SEC24A: variants seen among roughly 807,000 people sequenced by gnomAD.
SEC24A encodes protein transport protein Sec24A.
In SEC24A, 93 loss-of-function variants were observed where a neutral mutation model predicts 129.4. That is an observed-to-expected ratio of 0.72 (90% confidence interval 0.61 to 0.85). The LOEUF is 0.85. Ranked by LOEUF, SEC24A falls within the 40% of genes least tolerant of loss-of-function variation. The probability of loss-of-function intolerance (pLI) is 0.00; values close to 1 mark genes in which losing one functional copy is unlikely to be tolerated. For synonymous variants in SEC24A, 460 were observed against 467.3 expected (o/e 0.98, Z 0.20); for missense variants, 1,264 against 1,307.4 (o/e 0.97, Z 0.51).
At chr5:134,724,550 T>G (rs1351834757) in intron 22 of SEC24A, among the ~76,000 whole-genome samples, 3 of 150,816 alleles carry the variant, frequency 2.0e-5, no homozygotes, top group African/African-American at 7.3e-5. Flanking sequence ...ATCGTGCCAT[T>G]GCACTCCAGC....
At chr5:134,705,913 G>A (rs1752147208) in intron 17 of SEC24A, among the ~76,000 whole-genome samples, 1 of 145,398 alleles carries the variant, frequency 6.9e-6, no homozygotes. Context: ...TTGAGATGGA[G>A]TCTCGCTCTT....
intron 18 of SEC24A, 23 bp downstream of exon 18, chr5:134,708,911 C>G (rs1752242498): frequency 6.2e-7 from 1 of 1,605,914 alleles, no homozygotes. Context: ...GATATAGAAA[C>G]TAACACAATG....
At chr5:134,668,746 A>G (rs900373227) in intron 3 of SEC24A, among the ~76,000 whole-genome samples, 11 of 150,756 alleles carry the variant, frequency 7.3e-5, no homozygotes, top group African/African-American at 2.7e-4. Context: ...AAAAAAACCA[A>G]TTAGCCAGGA....
At chr5:134,697,055 A>G in intron 13 of SEC24A, 71 bp from the exon 14 acceptor site, 1 of 845,936 alleles carries the variant, frequency 1.2e-6, no homozygotes, top group Middle Eastern at 2.8e-4. Flanking sequence ...TGATGTATGT[A>G]GATGTGTATT....
At chr5:134,659,132 C>T (rs904323462) in intron 1 of SEC24A, among the ~76,000 whole-genome samples, 46 of 151,030 alleles carry the variant, frequency 3.0e-4, no homozygotes, top group Non-Finnish European at 5.0e-4. Context: ...AGTGCAGTGG[C>T]GCGATGTTGG....
chr5:134,649,249 A>G, intron 1 of SEC24A, 76 bp downstream of exon 1: 1 of 1,105,520 alleles, frequency 9.0e-7, no homozygotes, highest in South Asian at 1.5e-5. Context: ...GCTTGAGGCG[A>G]CATAGATAGA....
At chr5:134,703,413 G>A (rs567930949) in intron 15 of SEC24A, among the ~76,000 whole-genome samples, 17 of 152,038 alleles carry the variant, frequency 1.1e-4, no homozygotes, top group Admixed American at 6.6e-4. Flanking sequence ...GATTGCAGGC[G>A]CCTGCCACCA....
intron 20 of SEC24A, 80 bp from the exon 21 acceptor site, chr5:134,720,909 TATATATAAA>T (rs1752609789): frequency 7.5e-6 from 5 of 667,852 alleles, no homozygotes; most frequent in Non-Finnish European, 1.3e-5. Flanking sequence ...CTCACAAATA[TATATATAAA>T]ATAAAAATAA....
At position 134,682,460 on chromosome 5, in the gene SEC24A, T is replaced by G; in HGVS notation, c.1469T>G (p.Phe490Cys). 1 of 1,587,828 alleles carries G rather than the reference T, an allele frequency of 6.3e-7. No homozygotes were observed. The highest frequency in any genetic ancestry group is 8.6e-7 in the Non-Finnish European group (1 of 1,156,514). Residue 490 changes from phenylalanine (F) to cysteine (C), a missense_variant, in exon 9 of 23, where the codon TTT becomes TGT. Coordinates refer to ENST00000398844, the MANE Select transcript of SEC24A (RefSeq NM_021982.3). ...RPEVQNATIE[F>C]MAPSEYMLRP... ...GAAGTTCAAAATGCTACTATTGAGT[T>G]TATGGCTCCTTCAGAATACATGGTA... is the stretch of plus-strand genomic sequence containing the variant.
chr5:134,727,514 T>C lies in SEC24A; in HGVS notation c.*2420T>C, dbSNP rs924768144. The C allele has an allele frequency of 6.5e-5, 10 of 152,738 alleles. No homozygotes were observed. The highest frequency in any genetic ancestry group is 2.2e-4 in the African/African-American group (9 of 41,578). 9.5% of individuals were successfully genotyped at this position (152,738 alleles called of 1,614,324 possible). On this transcript the variant is annotated 3_prime_UTR_variant, in exon 23 of 23. Transcript: ENST00000398844. ...AATGTATTGAGTCTAATAGACTGTTTTGCAATAATTAGAATAAAGATTTAT... is the reference window on the plus strand; with the variant it reads ...AATGTATTGAGTCTAATAGACTGTTCTGCAATAATTAGAATAAAGATTTAT...
In SEC24A at chr5:134,686,861, C is replaced by G. The variant is rs1751472524; in HGVS notation, c.1563C>G (p.Tyr521Ter). ...CTCACAATGCAGTCGAAACTGGATA[C>G]TTGAATTCAGTTTGCCAGAGTTTGT... Reference protein sequence around the residue: ...DVSHNAVETGYLNSVCQSLLD... With the variant: ...DVSHNAVETG Residue 521 changes from tyrosine to a stop codon, truncating the protein, a stop_gained, in exon 10 of 23, where the codon TAC becomes TAG. Transcript: ENST00000398844. LOFTEE classifies it high-confidence loss of function. 1.2e-6 allele frequency: 2 copies of G among 1,610,420 alleles called. No individual in the cohort carries two copies. Among genetic ancestry groups the G allele is most frequent in the Non-Finnish European group, 1.7e-6 (2 of 1,178,164 alleles).
At chr5:134,694,645 A>G (rs1751763078) in intron 13 of SEC24A, among the ~76,000 whole-genome samples, 2 of 139,534 alleles carry the variant, frequency 1.4e-5, no homozygotes, top group African/African-American at 5.5e-5. Context: ...ACAGAGCGAG[A>G]CTCCGTCTCA....
chr5:134,662,233 C>T (rs2150072926), intron 2 of SEC24A, among the ~76,000 whole-genome samples: 1 of 152,184 alleles, frequency 6.6e-6, no homozygotes, highest in South Asian at 2.1e-4. Context: ...TGGCTCACTG[C>T]AAGCTCTGCC....
chr5:134,652,737 G>A (rs1172964091), intron 1 of SEC24A, among the ~76,000 whole-genome samples: 1 of 152,144 alleles, frequency 6.6e-6, no homozygotes, highest in Non-Finnish European at 1.5e-5. Context: ...ACAGGCACCT[G>A]TAGCACATGC....
intron 7 of SEC24A, among the ~76,000 whole-genome samples, chr5:134,679,083 T>A (rs563268419): frequency 9.0e-4 from 137 of 152,178 alleles, no homozygotes; most frequent in African/African-American, 3.2e-3. Context: ...TTTACATTTT[T>A]ATTTTATTTT....
At chr5:134,658,907 A>G (rs1021354706) in intron 1 of SEC24A, among the ~76,000 whole-genome samples, 7 of 152,122 alleles carry the variant, frequency 4.6e-5, no homozygotes, top group African/African-American at 1.7e-4. Context: ...TGGGAAGTAG[A>G]TTATGACAAT....
intron 18 of SEC24A, among the ~76,000 whole-genome samples, chr5:134,711,892 C>T (rs10463921): frequency 4.7e-4 from 72 of 151,740 alleles, no homozygotes; most frequent in African/African-American, 1.5e-3. Flanking sequence ...GGACTACAGG[C>T]GCCCACTACC....
Position 134,661,374 on chromosome 5 carries a change from C to T in SEC24A, c.353C>T (p.Thr118Ile), listed in dbSNP as rs747956271. ...TTACCTGCTTCTCAGAACCCAGCTA[C>T]TACACCAATGCCTTCTAGTAGCTTT... ...MPLPASQNPA[T>I]TPMPSSSFLP... The change falls in exon 2 of 23, where the codon ACT becomes ATT. Residue 118 changes from threonine to isoleucine, a missense_variant. Thr to Ile is a moderately conservative substitution (Grantham distance 89). Transcript: ENST00000398844. The T allele has an allele frequency of 5.0e-6, 8 of 1,614,208 alleles. No homozygotes were observed. Among genetic ancestry groups the T allele is most frequent in the Non-Finnish European group, 6.8e-6 (8 of 1,180,036 alleles).
rs1248224594 is a variant in SEC24A at position 134,698,066 on chromosome 5, A to T, written c.2266+9A>T. 1.6e-6 allele frequency: 2 copies of T among 1,264,072 alleles called. No homozygotes were observed. The highest frequency in any genetic ancestry group is 3.0e-5 in the African/African-American group (2 of 66,090). 78.3% of individuals were successfully genotyped at this position (1,264,072 alleles called of 1,614,324 possible). A position where few individuals can be genotyped will look rare whatever the true frequency, so the allele number is the denominator to read the frequency against. On this transcript the variant is annotated intron_variant, in intron 15 of 22. Coordinates refer to ENST00000398844, the MANE Select transcript of SEC24A (RefSeq NM_021982.3). ...GATTCGGTGCACCAAAGGTAGGAATATTTTTTTTTTGCGTAGGACTGAATA... is the reference window on the plus strand; with the variant it reads ...GATTCGGTGCACCAAAGGTAGGAATTTTTTTTTTTTGCGTAGGACTGAATA...
Sources: gnomAD v4.1 joint callset for allele counts (sites outside exome capture counted in the v4.1 genomes callset) on GRCh38, gnomAD v4.1.1 for gene constraint, MANE v1.5 for transcripts, NCBI Gene and HGNC (gene_info 2026-07-23, HGNC 2026-07-21) for gene names.